SRRM1: variants seen among roughly 807,000 people sequenced by gnomAD.
SRRM1 encodes serine/arginine repetitive matrix protein 1.
SRRM1 carries 19 observed loss-of-function variants against 110.2 expected under a neutral mutation model. That is an observed-to-expected ratio of 0.17 (90% CI 0.12 to 0.25). SRRM1 has a LOEUF of 0.25. Ranked by LOEUF, SRRM1 falls within the 10% of genes least tolerant of loss-of-function variation. The probability of loss-of-function intolerance (pLI) is 1.00; values close to 1 mark genes in which losing one functional copy is unlikely to be tolerated. For synonymous variants in SRRM1, 443 were observed against 414.9 expected, an observed-to-expected ratio of 1.07 and a Z score of -0.82; for missense variants, 918 against 1,145.8, an observed-to-expected ratio of 0.80 and a Z score of 2.87.
chr1:24,654,861 A>G lies in SRRM1; in HGVS notation c.1047A>G (p.Arg349=). ...RRSRSPVRRR[R]RSSASLSGSS... is the part of the protein sequence containing the mutation. ...TGAATACTTTATTCCACAGAAGAAG[A>G]CGTTCGTCAGCATCCTTGTCTGGGA... Residue 349 remains arginine, a synonymous_variant, in exon 9 of 17, where the codon AGA becomes AGG. Transcript: ENST00000323848. The G allele has an allele frequency of 6.2e-7, 1 of 1,614,212 alleles. No homozygotes were observed. The highest frequency in any genetic ancestry group is 1.1e-5 in the South Asian group (1 of 91,092).
At chr1:24,657,459 T>A (rs905043893) in intron 9 of SRRM1, among the ~76,000 whole-genome samples, 1 of 152,218 alleles carries the variant, frequency 6.6e-6, no homozygotes, top group Non-Finnish European at 1.5e-5. Context: ...TTCTTTAGCT[T>A]CTCTATCTGG....
In SRRM1 at chr1:24,656,296, CAG is replaced by C. The variant is rs1664071107; in HGVS notation, c.1315+1170_1315+1171del. Among the ~76,000 whole-genome samples the C allele has an allele frequency of 2.0e-5, 3 of 152,292 alleles. 1 individual carries two copies. The South Asian group carries it at 6.2e-4, about 32-fold the overall frequency. On this transcript the variant is annotated intron_variant, in intron 9 of 16. Coordinates refer to ENST00000323848, the MANE Select transcript of SRRM1 (RefSeq NM_005839.4). ...TGACAATGAGGCATAGATAAGCTGA[CAG>C]AGTGAAAGGGTGACCAGCAGATTAT...
At chr1:24,670,570 C>T (rs572139144) in intron 15 of SRRM1, among the ~76,000 whole-genome samples, 1 of 152,174 alleles carries the variant, frequency 6.6e-6, no homozygotes, top group East Asian at 1.9e-4. Flanking sequence ...GATCATAGCT[C>T]ACAGCAGCCT....
chr1:24,646,809 T>G lies in SRRM1; in HGVS notation c.234+20T>G, dbSNP rs750344513. 2 of 1,554,052 alleles carry G rather than the reference T, an allele frequency of 1.3e-6. No individual in the cohort carries two copies. The highest frequency in any genetic ancestry group is 1.7e-6 in the Non-Finnish European group (2 of 1,156,802). On this transcript the variant is annotated intron_variant, in intron 3 of 16. Coordinates refer to ENST00000323848, the MANE Select transcript of SRRM1 (RefSeq NM_005839.4). The stretch of plus-strand genomic sequence containing the variant: ...GTGAAGGTACTAATATACAAATGGC[T>G]CTTGTTTCTGAATATGTGATATAAT...
In SRRM1 at chr1:24,660,737, C is replaced by G. The variant is rs1557707597; in HGVS notation, c.1334C>G (p.Thr445Ser). The change falls in exon 10 of 17, where the codon ACT becomes AGT. Residue 445 changes from threonine to serine, a missense_variant. Coordinates refer to ENST00000323848, the MANE Select transcript of SRRM1 (RefSeq NM_005839.4). The part of the protein sequence containing the change: ...TSGKVTKHKG[T>S]EKRESPSPAP... ...TTTTTAGTGACAAAACATAAAGGTA[C>G]TGAGAAAAGAGAATCCCCTTCACCA... The G allele has an allele frequency of 6.3e-7, 1 of 1,581,882 alleles. No individual in the cohort carries two copies. The highest frequency in any genetic ancestry group is 1.8e-5 in the Admixed American group (1 of 54,472).
rs1357493701 is a variant in SRRM1 at position 24,652,541 on chromosome 1, C to G, written c.833C>G (p.Ser278Cys). 1 of 1,613,866 alleles carries G rather than the reference C, an allele frequency of 6.2e-7. No homozygotes were observed. The highest frequency in any genetic ancestry group is 8.5e-7 in the Non-Finnish European group (1 of 1,179,966). Residue 278 changes from serine (S) to cysteine (C), a missense_variant, in exon 7 of 17, where the codon TCT (serine) becomes TGT (cysteine). Ser to Cys is a moderately radical substitution (Grantham distance 112). This residue lies in a region of SRRM1 where 456 missense variants were observed against 453.5 expected (regional missense o/e 1.01). Coordinates refer to ENST00000323848, the MANE Select transcript of SRRM1 (RefSeq NM_005839.4). ...EKEKEKTRPRSRSRSKSRSRT... is the reference protein window; with the variant it reads ...EKEKEKTRPRCRSRSKSRSRT... ...GAGAAGGAGAAGACCCGACCACGATCTCGGTCACGCTCCAAATCAAGATCC... is the reference window on the plus strand; with the variant it reads ...GAGAAGGAGAAGACCCGACCACGATGTCGGTCACGCTCCAAATCAAGATCC...
At chr1:24,663,746 G>A (rs1373584022) in intron 12 of SRRM1, among the ~76,000 whole-genome samples, 4 of 151,632 alleles carry the variant, frequency 2.6e-5, no homozygotes, top group African/African-American at 7.3e-5. Context: ...GAGTGTTGGC[G>A]CGTGCCTGTA....
chr1:24,646,408 T>A (rs1657623929), intron 2 of SRRM1, among the ~76,000 whole-genome samples: 1 of 151,648 alleles, frequency 6.6e-6, no homozygotes, highest in Admixed American at 6.6e-5. Flanking sequence ...GTGCCTGTAA[T>A]CCCAGCTAAT....
At chr1:24,644,614 A>G (rs2148127105) in intron 1 of SRRM1, among the ~76,000 whole-genome samples, 1 of 152,292 alleles carries the variant, frequency 6.6e-6, no homozygotes, top group East Asian at 1.9e-4. Context: ...CAAGTATTTT[A>G]CCTAAGAACA....
rs942777645 is a variant in SRRM1, at chr1:24,651,448, C to T, written c.561C>T (p.Ser187=). Residue 187 remains serine (S), a synonymous_variant, in exon 6 of 17, where the codon TCC becomes TCT. Transcript: ENST00000323848. ...CTCCTTCCCCTAGAAGACGATCTTC[C>T]CCTGTCAGGAGAGAGAGAAAGCGCA... ...SRSPSPRRRS[S]PVRRERKRSH... is the part of the protein sequence containing the mutation. 9 of 1,614,122 alleles carry T rather than the reference C, an allele frequency of 5.6e-6. No individual in the cohort carries two copies. Among genetic ancestry groups the T allele is most frequent in the Non-Finnish European group, 7.6e-6 (9 of 1,180,010 alleles).
At chr1:24,652,398 A>C (rs1013204817) in intron 6 of SRRM1, 36 bp from the exon 7 acceptor site, 4 of 1,403,010 alleles carry the variant, frequency 2.9e-6, no homozygotes, top group African/African-American at 1.5e-5. Flanking sequence ...GAGTACAAGA[A>C]GGCAAAAAAA....
At chr1:24,662,980 A>C (rs936584247) in intron 12 of SRRM1, 176 bp downstream of exon 12, 5 of 1,012,098 alleles carry the variant, frequency 4.9e-6, no homozygotes, top group African/African-American at 4.9e-5. Context: ...GTGGTTATTA[A>C]TAATTAATTT....
In SRRM1 at chr1:24,650,234, T is replaced by G. The variant is rs558067758; in HGVS notation, c.521+148T>G. On this transcript the variant is annotated intron_variant, in intron 5 of 16. Coordinates refer to ENST00000323848, the MANE Select transcript of SRRM1 (RefSeq NM_005839.4). ...GGTGACCTGTGCCTTGCCTCTGGACTAAAGAAATCTGTCATATTTTGTTTG... is the reference window on the plus strand; with the variant it reads ...GGTGACCTGTGCCTTGCCTCTGGACGAAAGAAATCTGTCATATTTTGTTTG... 1.4e-5 allele frequency: 9 copies of G among 645,160 alleles called. No homozygotes were observed. In the East Asian group the frequency reaches 3.1e-4, roughly 22 times the overall value. 40.0% of individuals were successfully genotyped at this position (645,160 alleles called of 1,614,324 possible). A position where few individuals can be genotyped will look rare whatever the true frequency, so the allele number is the denominator to read the frequency against.
At position 24,669,431 on chromosome 1, in the gene SRRM1, C is replaced by T. The variant is rs1463031683; in HGVS notation, c.2048C>T (p.Ser683Leu). 8.1e-6 allele frequency: 13 copies of T among 1,614,058 alleles called. No individual in the cohort carries two copies. Among genetic ancestry groups the T allele is most frequent in the South Asian group, 2.2e-5 (2 of 91,084 alleles). The change falls in exon 14 of 17, where the codon TCG becomes TTG. Residue 683 changes from serine to leucine, a missense_variant. This residue lies in a region of SRRM1 where 357 missense variants were observed against 402.9 expected (regional missense o/e 0.89). Coordinates refer to ENST00000323848, the MANE Select transcript of SRRM1 (RefSeq NM_005839.4). The stretch of plus-strand genomic sequence containing the variant: ...TCACCACAACCAAACAAACGGCATT[C>T]GCCCTCACCACGGCCTCGAGCTCCT... ...ARSPQPNKRH[S>L]PSPRPRAPQT...
At chr1:24,656,662 A>G (rs889424082) in intron 9 of SRRM1, among the ~76,000 whole-genome samples, 1 of 152,204 alleles carries the variant, frequency 6.6e-6, no homozygotes, top group Non-Finnish European at 1.5e-5. Flanking sequence ...TGGAGCCACA[A>G]AGCTCTCCAG....
intron 13 of SRRM1, among the ~76,000 whole-genome samples, chr1:24,667,356 G>A (rs1310098304): frequency 6.6e-6 from 1 of 152,130 alleles, no homozygotes; most frequent in South Asian, 2.1e-4. Flanking sequence ...ATCATGTATT[G>A]TCATAAAGAT....
chr1:24,662,974 T>G (rs1263061412), intron 12 of SRRM1, 170 bp downstream of exon 12: 1 of 1,009,468 alleles, frequency 9.9e-7, no homozygotes, highest in African/African-American at 1.6e-5. Flanking sequence ...TTATTGGTGG[T>G]TATTAATAAT....
intron 1 of SRRM1, among the ~76,000 whole-genome samples, 185 bp from the exon 2 acceptor site, chr1:24,645,799 A>G (rs540639871): frequency 6.6e-6 from 1 of 152,380 alleles, no homozygotes; most frequent in East Asian, 1.9e-4. Flanking sequence ...TTGATAATTT[A>G]AAAATCCAGT....
chr1:24,649,334 T>C (rs1184568230), intron 4 of SRRM1, among the ~76,000 whole-genome samples: 1 of 152,244 alleles, frequency 6.6e-6, no homozygotes, highest in Non-Finnish European at 1.5e-5. Flanking sequence ...TTGTTGTTTT[T>C]TTGAGACACA....
Sources: allele counts gnomAD v4.1 joint callset (sites outside exome capture counted in the v4.1 genomes callset), GRCh38; gene constraint gnomAD v4.1.1; regional missense constraint gnomAD v4.1.1; transcripts MANE v1.5; gene names NCBI Gene and HGNC (gene_info 2026-07-23, HGNC 2026-07-21).